Variants in GMDS observed in about 807,000 individuals in gnomAD.
GMDS encodes GDP-mannose 4,6 dehydratase.
A neutral mutation model predicts 49.9 loss-of-function variants in GMDS; 20 were observed. That is an observed-to-expected ratio of 0.40 (90% confidence interval 0.28 to 0.58). GMDS has a LOEUF of 0.58. Ranked by LOEUF, GMDS falls within the 20% of genes least tolerant of loss-of-function variation. GMDS has a pLI of 0.42. For missense variants in GMDS, 362 were observed against 481.4 expected, an observed-to-expected ratio of 0.75 and a Z score of 2.32; for synonymous variants, 177 against 178.6, an observed-to-expected ratio of 0.99 and a Z score of 0.07.
chr6:1,914,420 T>C (rs1761264779), intron 7 of GMDS, among the ~76,000 whole-genome samples: 1 of 146,572 alleles, frequency 6.8e-6, no homozygotes, highest in African/African-American at 2.6e-5. Flanking sequence ...TGAGCCGAGA[T>C]CGCACCACTG....
At chr6:1,868,136 G>A (rs1397833320) in intron 7 of GMDS, among the ~76,000 whole-genome samples, 1 of 152,018 alleles carries the variant, frequency 6.6e-6, no homozygotes, top group Non-Finnish European at 1.5e-5. Context: ...ACAGGCACCC[G>A]CCAGCACGCC....
intron 4 of GMDS, among the ~76,000 whole-genome samples, chr6:2,099,207 C>T (rs1773784890): frequency 6.6e-6 from 1 of 152,086 alleles, no homozygotes. Flanking sequence ...GTGTTTTAAA[C>T]TTAACTACTT....
At chr6:1,725,142 A>G (rs1000524831) in intron 9 of GMDS, among the ~76,000 whole-genome samples, 1 of 152,258 alleles carries the variant, frequency 6.6e-6, no homozygotes, top group South Asian at 2.1e-4. Context: ...AAAAAATTCA[A>G]TTTTCACAGT....
At chr6:2,149,059 A>G (rs776443498) in intron 1 of GMDS, among the ~76,000 whole-genome samples, 2 of 152,196 alleles carry the variant, frequency 1.3e-5, no homozygotes, top group African/African-American at 4.8e-5. Flanking sequence ...CCAATGAGGA[A>G]AGCAAGACCT....
chr6:2,133,008 CCT>C (rs1308124111), intron 1 of GMDS, among the ~76,000 whole-genome samples: 1 of 152,086 alleles, frequency 6.6e-6, no homozygotes, highest in Non-Finnish European at 1.5e-5. Flanking sequence ...AATTAGAGTT[CCT>C]CTCTCCTCCC....
intron 4 of GMDS, among the ~76,000 whole-genome samples, chr6:2,083,279 C>T (rs1562039096): frequency 6.6e-6 from 1 of 152,190 alleles, no homozygotes; most frequent in Admixed American, 6.5e-5. Flanking sequence ...CACATCCATA[C>T]AGCTTGAGCC....
chr6:1,958,138 T>G lies in GMDS; in HGVS notation c.643+1729A>C, dbSNP rs1001852796. Among the ~76,000 whole-genome samples the G allele has an allele frequency of 5.3e-5, 8 of 150,134 alleles. No individual in the cohort carries two copies. The East Asian group carries it at 5.8e-4, about 11-fold the overall frequency. The stretch of plus-strand genomic sequence containing the variant: ...ATGTTTTTTTTTTTTTTTTTTTAGT[T>G]AGTGGTTAACATCTACAAAGACAAA... On this transcript the variant is annotated intron_variant, in intron 6 of 10. Coordinates refer to ENST00000380815, the MANE Select transcript of GMDS (RefSeq NM_001500.4).
At position 1,730,405 on chromosome 6, in the gene GMDS, A is replaced by G. The variant is rs9501763; in HGVS notation, c.891-3893T>C. 6.5e-4 allele frequency among the ~76,000 whole-genome samples: 99 copies of G among 152,300 alleles called. 1 individual carries two copies. Among genetic ancestry groups the G allele is most frequent in the African/African-American group, 2.4e-3 (98 of 41,562 alleles). On this transcript the variant is annotated intron_variant, in intron 8 of 10. Transcript: ENST00000380815. The stretch of plus-strand genomic sequence containing the variant: ...AAGTCTCCTAAACCAACAGTGGGAG[A>G]GCTGAGAATGGCCCCAATTTACACT...
At chr6:1,854,055 C>T (rs1407207515) in intron 7 of GMDS, among the ~76,000 whole-genome samples, 1 of 152,138 alleles carries the variant, frequency 6.6e-6, no homozygotes, top group Non-Finnish European at 1.5e-5. Context: ...TCAGCATTTC[C>T]ATTATAAAAA....
intron 7 of GMDS, among the ~76,000 whole-genome samples, chr6:1,810,069 C>G (rs1342901286): frequency 6.6e-6 from 1 of 152,104 alleles, no homozygotes; most frequent in Non-Finnish European, 1.5e-5. Context: ...TATGTGGTAG[C>G]CCCTGAGCCG....
intron 7 of GMDS, among the ~76,000 whole-genome samples, chr6:1,765,564 T>C (rs1314068278): frequency 6.6e-6 from 1 of 152,202 alleles, no homozygotes; most frequent in African/African-American, 2.4e-5. Flanking sequence ...ATAACATTCA[T>C]TTCATTGTCT....
At chr6:2,002,083 T>C (rs2127383384) in intron 4 of GMDS, among the ~76,000 whole-genome samples, 1 of 152,358 alleles carries the variant, frequency 6.6e-6, no homozygotes, top group Admixed American at 6.5e-5. Flanking sequence ...TGTTTAATAT[T>C]CGTTTTTAAA....
At chr6:1,844,136 T>C (rs2113752565) in intron 7 of GMDS, among the ~76,000 whole-genome samples, 1 of 152,344 alleles carries the variant, frequency 6.6e-6, no homozygotes, top group Non-Finnish European at 1.5e-5. Flanking sequence ...ATTCCCATGA[T>C]AATCCCATTC....
intron 8 of GMDS, among the ~76,000 whole-genome samples, chr6:1,740,640 T>C (rs1043608239): frequency 4.7e-5 from 7 of 150,290 alleles, no homozygotes; most frequent in Middle Eastern, 3.5e-3. Flanking sequence ...ATTCCAAACA[T>C]AATCAATCCA....
At chr6:1,798,442 G>A (rs1417510944) in intron 7 of GMDS, among the ~76,000 whole-genome samples, 1 of 152,168 alleles carries the variant, frequency 6.6e-6, no homozygotes, top group Non-Finnish European at 1.5e-5. Context: ...TTAGTTCTCA[G>A]ATAAGAGCAG....
chr6:2,116,409 T>A (rs112378595), intron 3 of GMDS, among the ~76,000 whole-genome samples: 1 of 152,184 alleles, frequency 6.6e-6, no homozygotes, highest in Non-Finnish European at 1.5e-5. Flanking sequence ...TCTAAACAGA[T>A]CCTTACACTG....
intron 1 of GMDS, among the ~76,000 whole-genome samples, chr6:2,133,358 G>A (rs1775841853): frequency 6.6e-6 from 1 of 152,094 alleles, no homozygotes; most frequent in African/African-American, 2.4e-5. Context: ...GCTTTAAAAA[G>A]GTCATAAGAA....
At chr6:1,874,587 T>G (rs1758939520) in intron 7 of GMDS, among the ~76,000 whole-genome samples, 1 of 152,238 alleles carries the variant, frequency 6.6e-6, no homozygotes, top group African/African-American at 2.4e-5. Flanking sequence ...ATCCTGAGTA[T>G]GCTCTTATAA....
chr6:2,142,837 C>T (rs1367735484), intron 1 of GMDS, among the ~76,000 whole-genome samples: 1 of 152,170 alleles, frequency 6.6e-6, no homozygotes, highest in South Asian at 2.1e-4. Flanking sequence ...CCCCCAGACT[C>T]GCCTGCCTGT....
Sources: gnomAD v4.1 joint callset for allele counts (sites outside exome capture counted in the v4.1 genomes callset) on GRCh38, gnomAD v4.1.1 for gene constraint, MANE v1.5 for transcripts, NCBI Gene and HGNC (gene_info 2026-07-23, HGNC 2026-07-21) for gene names.